The following DHX57 variants were observed in gnomAD, a reference collection of about 807,000 sequenced individuals.
DHX57 encodes DExH-box helicase 57.
A neutral mutation model predicts 156.2 loss-of-function variants in DHX57; 105 were observed. That is an observed-to-expected ratio of 0.67 (90% CI 0.57 to 0.79). The LOEUF is 0.79. DHX57 is among the 30% of genes least tolerant of loss of function. The pLI is 0.00. For missense variants in DHX57, 1,847 were observed against 1,661.9 expected (o/e 1.11, Z -1.94); for synonymous variants, 704 against 595.6 (o/e 1.18, Z -2.65).
chr2:38,850,217 T>C (rs1393076738), intron 9 of DHX57, among the ~76,000 whole-genome samples: 1 of 152,238 alleles, frequency 6.6e-6, no homozygotes, highest in Non-Finnish European at 1.5e-5. Context: ...ACCAGTTTAC[T>C]TCTAAGAAAG....
rs1553333995 is a variant in DHX57, at chr2:38,854,043, C to T, written c.2030+11G>A. 6.3e-7 allele frequency: 1 copy of T among 1,598,074 alleles called. No homozygotes were observed. The highest frequency in any genetic ancestry group is 2.2e-5 in the East Asian group (1 of 44,492). On this transcript the variant is annotated intron_variant, in intron 9 of 23. Transcript: ENST00000457308. ...GTGAGTGTGTGTTCCCTGGGAAAGTCTTTGTTTTACCTTTCTTCTGTCCTC... is the reference window on the plus strand; with the variant it reads ...GTGAGTGTGTGTTCCCTGGGAAAGTTTTTGTTTTACCTTTCTTCTGTCCTC...
At chr2:38,837,134 C>T (rs1671719036) in intron 13 of DHX57, among the ~76,000 whole-genome samples, 1 of 152,100 alleles carries the variant, frequency 6.6e-6, no homozygotes, top group African/African-American at 2.4e-5. Context: ...CAAGTGTGAG[C>T]CATTGCACCT....
intron 1 of DHX57, among the ~76,000 whole-genome samples, chr2:38,870,134 A>G (rs891930754): frequency 6.6e-6 from 1 of 152,166 alleles, no homozygotes; most frequent in Admixed American, 6.5e-5. Context: ...GATGAACTTG[A>G]AGACAGACTG....
At chr2:38,814,615 G>C (rs371336218) in intron 20 of DHX57, among the ~76,000 whole-genome samples, 2 of 152,112 alleles carry the variant, frequency 1.3e-5, no homozygotes, top group African/African-American at 4.8e-5. Flanking sequence ...AAAAAATGCT[G>C]GCCTGATTTG....
chr2:38,815,744 A>T (rs1670515814), intron 19 of DHX57, 89 bp from the exon 20 acceptor site: 2 of 1,527,506 alleles, frequency 1.3e-6, no homozygotes, highest in African/African-American at 1.4e-5. Context: ...AAAATGCATT[A>T]TTTCAGGGGG....
intron 12 of DHX57, among the ~76,000 whole-genome samples, chr2:38,840,304 T>C (rs1671916762): frequency 6.6e-6 from 1 of 151,994 alleles, no homozygotes; most frequent in African/African-American, 2.4e-5. Flanking sequence ...AACTAGAAAA[T>C]GCCTTAAAAA....
intron 21 of DHX57, among the ~76,000 whole-genome samples, 170 bp downstream of exon 21, chr2:38,813,651 C>T (rs1216657150): frequency 2.6e-5 from 4 of 152,166 alleles, no homozygotes; most frequent in Admixed American, 1.3e-4. Flanking sequence ...GGATTACAGG[C>T]GTGAGCCACC....
rs569943573 is a variant in DHX57 at position 38,823,756 on chromosome 2, A to T, written c.3015-487T>A. On this transcript the variant is annotated intron_variant, in intron 16 of 23. Transcript: ENST00000457308. ...GCCACGCGCAGTGGCTCACGTCTGT[A>T]ATCCTAGCACTTTGGGAGGCCGAGG... Among the ~76,000 whole-genome samples the T allele has an allele frequency of 1.4e-4, 21 of 152,356 alleles. No homozygotes were observed. In the East Asian group the frequency reaches 4.0e-3, roughly 29 times the overall value.
intron 10 of DHX57, 54 bp from the exon 11 acceptor site, chr2:38,847,127 T>C: frequency 2.9e-6 from 4 of 1,359,476 alleles, no homozygotes; most frequent in Non-Finnish European, 2.1e-6. Context: ...TTCAACCATC[T>C]TGAAATAGTT....
Position 38,863,463 on chromosome 2 carries a change from G to A in DHX57, c.281C>T (p.Ala94Val). The A allele has an allele frequency of 1.2e-6, 2 of 1,613,948 alleles. No homozygotes were observed. Among genetic ancestry groups the A allele is most frequent in the Non-Finnish European group, 1.7e-6 (2 of 1,179,956 alleles). Residue 94 changes from alanine (A) to valine (V), a missense_variant, in exon 3 of 24, where the codon GCC becomes GTC. Coordinates refer to ENST00000457308, the MANE Select transcript of DHX57 (RefSeq NM_198963.3). Reference protein sequence around the residue: ...GESRPKWKPKAKVPLQTLHMT... With the variant: ...GESRPKWKPKVKVPLQTLHMT... ...ATGTAGAGTCTGAAGGGGTACTTTG[G>A]CTTTGGGTTTCCATTTTGGGCGTGA...
intron 12 of DHX57, among the ~76,000 whole-genome samples, chr2:38,838,288 A>G (rs992633627): frequency 6.6e-6 from 1 of 152,084 alleles, no homozygotes; most frequent in African/African-American, 2.4e-5. Flanking sequence ...TTTTGTAGAC[A>G]TGGGGTCTTG....
At chr2:38,814,080 G>C (rs921622505) in intron 20 of DHX57, among the ~76,000 whole-genome samples, 185 bp from the exon 21 acceptor site, 1 of 152,158 alleles carries the variant, frequency 6.6e-6, no homozygotes, top group African/African-American at 2.4e-5. Flanking sequence ...TGGGATTACA[G>C]GCATACACCG....
chr2:38,829,762 T>C (rs958399404), intron 13 of DHX57, among the ~76,000 whole-genome samples: 2 of 152,088 alleles, frequency 1.3e-5, no homozygotes, highest in Admixed American at 1.3e-4. Context: ...CCTAACCTTA[T>C]AAGACAGGAA....
At chr2:38,873,933 T>C (rs1481669036) in intron 1 of DHX57, among the ~76,000 whole-genome samples, 3 of 152,082 alleles carry the variant, frequency 2.0e-5, no homozygotes, top group Non-Finnish European at 2.9e-5. Flanking sequence ...GAAATAGTCA[T>C]CCCTCGGTAT....
Position 38,864,490 on chromosome 2 carries a change from A to C in DHX57, c.225-971T>G, listed in dbSNP as rs181546387. Among the ~76,000 whole-genome samples, 490 of 152,308 alleles carry C rather than the reference A, an allele frequency of 3.2e-3. 2 individuals carry two copies. Among genetic ancestry groups the C allele is most frequent in the African/African-American group, 0.011 (470 of 41,572 alleles). ...CATGAGGGGGAGTTGGGAGTTTCACATGCTCCTATCTTAAAGTCATCCTTT... is the reference window on the plus strand; with the variant it reads ...CATGAGGGGGAGTTGGGAGTTTCACCTGCTCCTATCTTAAAGTCATCCTTT... On this transcript the variant is annotated intron_variant, in intron 2 of 23. Transcript: ENST00000457308.
chr2:38,843,022 A>G lies in DHX57; in HGVS notation c.2408T>C (p.Leu803Pro). 1.2e-6 allele frequency: 2 copies of G among 1,614,166 alleles called. No individual in the cohort carries two copies. Among genetic ancestry groups the G allele is most frequent in the Non-Finnish European group, 1.7e-6 (2 of 1,180,000 alleles). The change falls in exon 12 of 24, where the codon CTC becomes CCC. Residue 803 changes from leucine to proline, a missense_variant. By Grantham distance (98) the Leu-to-Pro change is moderately conservative. Transcript: ENST00000457308. ...VPDQQLDFKQ[L>P]LARYKGVSKS... ...CATGTTACCTTTATAGCGGGCCAGG[A>G]GCTGCTTAAAATCTAACTGTTGATC...
chr2:38,825,473 T>G (rs915535061), intron 16 of DHX57, among the ~76,000 whole-genome samples: 1 of 152,112 alleles, frequency 6.6e-6, no homozygotes, highest in African/African-American at 2.4e-5. Flanking sequence ...CAGATAATTT[T>G]TGTATTTTTA....
In DHX57 at chr2:38,869,399, A is replaced by G. The variant is rs369744980; in HGVS notation, c.-6-988T>C. On this transcript the variant is annotated intron_variant, in intron 1 of 23. Coordinates refer to ENST00000457308, the MANE Select transcript of DHX57 (RefSeq NM_198963.3). Reference sequence around the variant, plus strand: ...AAGATGTAGTTTAGACTGTTGGCCAACTAGTTTGCAGGAAGCAAACCAAGG... The same window carrying G: ...AAGATGTAGTTTAGACTGTTGGCCAGCTAGTTTGCAGGAAGCAAACCAAGG... Among the ~76,000 whole-genome samples, 279 of 152,362 alleles carry G rather than the reference A, an allele frequency of 1.8e-3. 9 individuals carry two copies. In the South Asian group the frequency reaches 0.057, roughly 31 times the overall value.
At chr2:38,854,317 A>T in intron 8 of DHX57, 139 bp from the exon 9 acceptor site, 1 of 777,894 alleles carries the variant, frequency 1.3e-6, no homozygotes, top group Non-Finnish European at 1.9e-6. Flanking sequence ...ACCATACTAA[A>T]CATAGTTTCT....
Sources: gnomAD v4.1 joint callset for allele counts (sites outside exome capture counted in the v4.1 genomes callset) on GRCh38, gnomAD v4.1.1 for gene constraint, MANE v1.5 for transcripts, NCBI Gene and HGNC (gene_info 2026-07-23, HGNC 2026-07-21) for gene names.